The following MAGI2 variants were observed in gnomAD, a reference collection of about 807,000 sequenced individuals.
MAGI2 encodes membrane-associated guanylate kinase, WW and PDZ domain-containing protein 2.
Under a neutral mutation model 133.3 loss-of-function variants are expected in MAGI2, and 35 were observed. The ratio of observed to expected loss-of-function variants is 0.26; its 90% CI spans 0.20 to 0.35. The LOEUF (loss-of-function observed/expected upper bound fraction) is 0.35. Ranked by LOEUF, MAGI2 falls within the 10% of genes least tolerant of loss-of-function variation. The pLI is 1.00. For synonymous variants in MAGI2, 729 were observed against 710.6 expected (o/e 1.03, Z -0.41); for missense variants, 1,636 against 1,863.4 (o/e 0.88, Z 2.25).
At chr7:78,637,377 G>C (rs1437125780) in intron 2 of MAGI2, among the ~76,000 whole-genome samples, 3 of 151,862 alleles carry the variant, frequency 2.0e-5, no homozygotes, top group Non-Finnish European at 2.9e-5. Context: ...CTGATATTGG[G>C]AAAGACTTAG....
chr7:79,349,773 C>T (rs2129108131), intron 1 of MAGI2, among the ~76,000 whole-genome samples: 1 of 152,096 alleles, frequency 6.6e-6, no homozygotes, highest in South Asian at 2.1e-4. Flanking sequence ...TATTTTTCCC[C>T]ATTGGTTCTC....
intron 1 of MAGI2, among the ~76,000 whole-genome samples, chr7:79,273,194 GT>G (rs1835000382): frequency 6.6e-6 from 1 of 150,864 alleles, no homozygotes; most frequent in Non-Finnish European, 1.5e-5. Context: ...TTTTTTCTTT[GT>G]TTTGTTGTTT....
intron 1 of MAGI2, among the ~76,000 whole-genome samples, chr7:79,181,635 A>G (rs188529100): frequency 2.6e-5 from 4 of 152,132 alleles, no homozygotes; most frequent in Non-Finnish European, 4.4e-5. Flanking sequence ...AGTGATTAAC[A>G]TTCAGCTTCT....
chr7:79,282,765 A>T (rs1342111522), intron 1 of MAGI2, among the ~76,000 whole-genome samples: 3 of 152,162 alleles, frequency 2.0e-5, no homozygotes, highest in African/African-American at 7.2e-5. Flanking sequence ...ATGTATTTTT[A>T]AAACCAAGGG....
intron 1 of MAGI2, among the ~76,000 whole-genome samples, chr7:79,360,958 G>T (rs560939132): frequency 1.3e-5 from 2 of 152,028 alleles, no homozygotes; most frequent in African/African-American, 2.4e-5. Context: ...TCAACTATAT[G>T]CTGCTTACAA....
chr7:78,133,024 T>C lies in MAGI2; in HGVS notation c.3068A>G (p.Lys1023Arg). Residue 1023 changes from lysine to arginine, a missense_variant, in exon 18 of 22, where the codon AAG becomes AGG. Physicochemically the swap from Lys to Arg is conservative, Grantham distance 26. Around this residue, in one of 5 missense-constraint regions of MAGI2, gnomAD observed 920 missense variants for 1,093.5 expected, o/e 0.84. Transcript: ENST00000354212. Reference protein sequence around the residue: ...NSPTSAPSSEKQSPMAQQSPL... With the variant: ...NSPTSAPSSERQSPMAQQSPL... The stretch of plus-strand genomic sequence containing the variant: ...ACTCTGCTGCGCCATGGGACTCTGC[T>C]TCTCTGAGCTGGGTGCCGAGGTGGG... 1.3e-6 allele frequency: 2 copies of C among 1,591,062 alleles called. No homozygotes were observed. Among genetic ancestry groups the C allele is most frequent in the Non-Finnish European group, 1.7e-6 (2 of 1,171,028 alleles).
chr7:78,975,556 T>C (rs1426627360), intron 2 of MAGI2, among the ~76,000 whole-genome samples: 1 of 151,568 alleles, frequency 6.6e-6, no homozygotes, highest in African/African-American at 2.4e-5. Flanking sequence ...TAGTAACAAA[T>C]GCATATATTT....
At position 79,324,595 on chromosome 7, in the gene MAGI2, A is replaced by T. The variant is rs1257363933; in HGVS notation, c.301+128425T>A. Reference sequence around the variant, plus strand: ...TATATATACACCATATATATATAACAATATATATATAAAAAATATATATAA... The same window carrying T: ...TATATATACACCATATATATATAACTATATATATATAAAAAATATATATAA... On this transcript the variant is annotated intron_variant, in intron 1 of 21. Coordinates refer to ENST00000354212, the MANE Select transcript of MAGI2 (RefSeq NM_012301.4). Among the ~76,000 whole-genome samples, 30 of 50,068 alleles carry T rather than the reference A, an allele frequency of 6.0e-4. 6 individuals carry two copies. The highest frequency in any genetic ancestry group is 1.2e-3 in the Non-Finnish European group (28 of 24,078). 32.8% of individuals were successfully genotyped at this position (50,068 alleles called of 152,430 possible).
intron 3 of MAGI2, among the ~76,000 whole-genome samples, chr7:78,580,092 T>C (rs973113989): frequency 6.6e-6 from 1 of 150,406 alleles, no homozygotes; most frequent in Non-Finnish European, 1.5e-5. Context: ...TATAATATGG[T>C]GAATGTAATG....
chr7:79,206,567 T>A (rs539849076), intron 1 of MAGI2, among the ~76,000 whole-genome samples: 1 of 151,918 alleles, frequency 6.6e-6, no homozygotes, highest in African/African-American at 2.4e-5. Flanking sequence ...GGATATTAAA[T>A]GACTAATAAA....
intron 1 of MAGI2, among the ~76,000 whole-genome samples, chr7:79,195,316 A>C (rs993416415): frequency 1.3e-5 from 2 of 152,004 alleles, no homozygotes; most frequent in African/African-American, 4.8e-5. Context: ...TCATCTCATC[A>C]ACTGAGCTTT....
intron 2 of MAGI2, among the ~76,000 whole-genome samples, chr7:78,726,733 T>A (rs1820850287): frequency 6.6e-6 from 1 of 152,218 alleles, no homozygotes; most frequent in South Asian, 2.1e-4. Context: ...TCAGCTTAAA[T>A]ATTAATTTCA....
chr7:78,275,972 A>G (rs1795021359), intron 9 of MAGI2, among the ~76,000 whole-genome samples: 1 of 152,194 alleles, frequency 6.6e-6, no homozygotes. Context: ...ATAAACAGTA[A>G]TCAATGACTG....
At chr7:78,075,386 T>C (rs1815172002) in intron 21 of MAGI2, among the ~76,000 whole-genome samples, 1 of 150,620 alleles carries the variant, frequency 6.6e-6, no homozygotes, top group Non-Finnish European at 1.5e-5. Context: ...CTTTTTTTTT[T>C]TTTTTTTTGA....
intron 3 of MAGI2, among the ~76,000 whole-genome samples, chr7:78,606,819 A>T (rs1403136504): frequency 1.8e-5 from 2 of 113,326 alleles, no homozygotes; most frequent in Non-Finnish European, 4.0e-5. Context: ...TCTGTTTACC[A>T]TGCCCTCCCA....
chr7:78,865,090 C>G (rs993625902), intron 2 of MAGI2, among the ~76,000 whole-genome samples: 1 of 152,090 alleles, frequency 6.6e-6, no homozygotes, highest in African/African-American at 2.4e-5. Context: ...AACCTGCTTC[C>G]GTATAAATCT....
At chr7:78,192,143 T>C (rs1828273377) in intron 12 of MAGI2, among the ~76,000 whole-genome samples, 1 of 152,176 alleles carries the variant, frequency 6.6e-6, no homozygotes, top group Non-Finnish European at 1.5e-5. Context: ...GAGATCACTA[T>C]AGGCTAGGGG....
chr7:79,448,306 AC>A (rs1430459471), intron 1 of MAGI2, among the ~76,000 whole-genome samples: 2 of 152,084 alleles, frequency 1.3e-5, no homozygotes, highest in Non-Finnish European at 2.9e-5. Flanking sequence ...CTGCAAAAAA[AC>A]CTTAAAATAC....
intron 3 of MAGI2, among the ~76,000 whole-genome samples, chr7:78,589,093 C>A (rs1803715621): frequency 6.6e-6 from 1 of 152,148 alleles, no homozygotes; most frequent in South Asian, 2.1e-4. Flanking sequence ...TTCCCAAACT[C>A]CTAGCCTATC....
Sources: gnomAD v4.1 joint callset for allele counts (sites outside exome capture counted in the v4.1 genomes callset) on GRCh38, gnomAD v4.1.1 for gene constraint, gnomAD v4.1.1 regional missense constraint, MANE v1.5 for transcripts, NCBI Gene and HGNC (gene_info 2026-07-23, HGNC 2026-07-21) for gene names.